GLIS3: variants seen among roughly 807,000 people sequenced by gnomAD.
GLIS3 encodes the protein GLIS family zinc finger 3.
GLIS3 carries 53 observed loss-of-function variants against 78.6 expected under a neutral mutation model. The ratio of observed to expected loss-of-function variants is 0.67; its 90% CI spans 0.54 to 0.85. The LOEUF is 0.85. Among genes scored for constraint, GLIS3 ranks in the 40% least tolerant of loss-of-function variants. The pLI is 0.00. For missense variants in GLIS3, 1,703 were observed against 1,231.1 expected, an observed-to-expected ratio of 1.38 and a Z score of -5.74; for synonymous variants, 684 against 509.9, an observed-to-expected ratio of 1.34 and a Z score of -4.60.
intron 3 of GLIS3, 101 bp downstream of exon 3, chr9:4,125,633 A>AGTGTGTGTGT (rs71497518): frequency 2.1e-4 from 159 of 772,112 alleles, no homozygotes; most frequent in East Asian, 1.7e-3. Flanking sequence ...TAAGTGTATG[A>AGTGTGTGTGT]GTGTGTGTGT....
rs115205808 is a variant in GLIS3, at chr9:4,238,114, C to T, written c.388+47924G>A. ...AAAGTCAGGAGTAAGCCTTTAGGAC[C>T]ACTCCGTAAAAAAGCAACTGGGACT... On this transcript the variant is annotated intron_variant, in intron 2 of 10. Coordinates refer to ENST00000381971, the MANE Select transcript of GLIS3 (RefSeq NM_001042413.2). 2.1e-3 allele frequency among the ~76,000 whole-genome samples: 326 copies of T among 152,228 alleles called. 1 individual carries two copies. Among genetic ancestry groups the T allele is most frequent in the African/African-American group, 7.4e-3 (307 of 41,514 alleles).
rs528992488 is a variant in GLIS3, at chr9:4,341,402, C to T, written n.264+5679G>A. Among the ~76,000 whole-genome samples the T allele has an allele frequency of 5.1e-4, 78 of 152,366 alleles. 1 individual carries two copies. The highest frequency in any genetic ancestry group is 1.8e-3 in the African/African-American group (76 of 41,584). On this transcript the variant is annotated intron_variant and non_coding_transcript_variant, in intron 2 of 4. Transcript: ENST00000471664. Reference sequence around the variant, plus strand: ...TCCTTCTTCTCCAGGCTGATGTGCACACAGCTCATTGTGTGCTGGAGAAAA... The same window carrying T: ...TCCTTCTTCTCCAGGCTGATGTGCATACAGCTCATTGTGTGCTGGAGAAAA...
At chr9:4,398,677 C>CTTTTT in the GLIS3 span, among the ~76,000 whole-genome samples, 5 of 150,786 alleles carry the variant, frequency 3.3e-5, no homozygotes, top group Non-Finnish European at 7.4e-5. Flanking sequence ...GTTGCTTAAG[C>CTTTTT]TCTTTTGTTG....
the GLIS3 span, among the ~76,000 whole-genome samples, chr9:4,465,534 G>C: frequency 6.6e-6 from 1 of 152,246 alleles, no homozygotes; most frequent in East Asian, 1.9e-4. Flanking sequence ...GGGCGACAGA[G>C]TGAGACTCCG....
intron 4 of GLIS3, among the ~76,000 whole-genome samples, chr9:4,095,916 G>C (rs535289472): frequency 5.4e-5 from 8 of 149,348 alleles, no homozygotes; most frequent in Non-Finnish European, 1.0e-4. Flanking sequence ...AAGCCAACAA[G>C]TTACAGAGCA....
At chr9:4,248,327 C>G (rs1008901455) in intron 2 of GLIS3, among the ~76,000 whole-genome samples, 8 of 152,012 alleles carry the variant, frequency 5.3e-5, no homozygotes, top group African/African-American at 1.9e-4. Context: ...TTAGGAGTGA[C>G]AACATGTGGT....
the GLIS3 span, among the ~76,000 whole-genome samples, chr9:4,368,172 C>A: frequency 6.6e-6 from 1 of 152,070 alleles, no homozygotes; most frequent in Non-Finnish European, 1.5e-5. Flanking sequence ...TGTTTTTATC[C>A]TTACGTTTTA....
intron 8 of GLIS3, among the ~76,000 whole-genome samples, chr9:3,857,324 A>C (rs1819861005): frequency 6.6e-6 from 1 of 152,232 alleles, no homozygotes; most frequent in African/African-American, 2.4e-5. Flanking sequence ...ATTTCACAGG[A>C]ACAAATTGCT....
chr9:3,828,512 A>G (rs1368232308), intron 10 of GLIS3, 104 bp from the exon 11 acceptor site: 8 of 1,465,472 alleles, frequency 5.5e-6, no homozygotes, highest in Non-Finnish European at 7.5e-6. Flanking sequence ...ACTGGGGGCT[A>G]AGGAGGCAAC....
At chr9:4,119,924 C>T (rs1045673207) in intron 3 of GLIS3, among the ~76,000 whole-genome samples, 8 of 152,156 alleles carry the variant, frequency 5.3e-5, no homozygotes, top group Non-Finnish European at 1.0e-4. Flanking sequence ...AGAAAAGATA[C>T]GTCCCTTGGA....
rs376358154 is a variant in GLIS3, at chr9:3,996,550, T to C, written c.1711-59361A>G. The stretch of plus-strand genomic sequence containing the variant: ...AATGTCAAAACTTGTAGGATGCAGC[T>C]AAAGCAGTTTTTCAAAGGAAATTCA... On this transcript the variant is annotated intron_variant, in intron 4 of 10. Transcript: ENST00000381971. Among the ~76,000 whole-genome samples the C allele has an allele frequency of 9.8e-5, 15 of 152,318 alleles. No individual in the cohort carries two copies. In the East Asian group the frequency reaches 2.1e-3, roughly 22 times the overall value.
At chr9:3,963,779 A>T (rs1312496142) in intron 4 of GLIS3, among the ~76,000 whole-genome samples, 2 of 152,130 alleles carry the variant, frequency 1.3e-5, no homozygotes, top group African/African-American at 4.8e-5. Flanking sequence ...GTCAGGCCTC[A>T]CCGAGACACC....
chr9:4,256,835 T>A (rs1030022367), intron 2 of GLIS3, among the ~76,000 whole-genome samples: 2 of 152,134 alleles, frequency 1.3e-5, no homozygotes, highest in African/African-American at 2.4e-5. Context: ...TCCAGCAATA[T>A]CTCATCTGAA....
At chr9:3,938,949 G>A (rs1826047473) in intron 4 of GLIS3, among the ~76,000 whole-genome samples, 1 of 152,164 alleles carries the variant, frequency 6.6e-6, no homozygotes, top group Non-Finnish European at 1.5e-5. Flanking sequence ...TGTTTTTAGG[G>A]TTCTCTTTGA....
chr9:4,275,130 G>C (rs1488182219), intron 2 of GLIS3, among the ~76,000 whole-genome samples: 1 of 152,126 alleles, frequency 6.6e-6, no homozygotes, highest in African/African-American at 2.4e-5. Flanking sequence ...ATAGATAGAG[G>C]CATGGAAAGG....
intron 4 of GLIS3, among the ~76,000 whole-genome samples, chr9:4,047,192 C>A (rs1411965113): frequency 6.6e-6 from 1 of 152,060 alleles, no homozygotes; most frequent in East Asian, 1.9e-4. Flanking sequence ...ACAAGGGGCT[C>A]TTCCCCCTTC....
chr9:4,004,677 G>A (rs983864701), intron 4 of GLIS3, among the ~76,000 whole-genome samples: 1 of 152,150 alleles, frequency 6.6e-6, no homozygotes, highest in African/African-American at 2.4e-5. Context: ...AATGGAAATG[G>A]GGGTACTGCT....
At chr9:3,832,389 G>A (rs904531860) in intron 9 of GLIS3, among the ~76,000 whole-genome samples, 6 of 152,168 alleles carry the variant, frequency 3.9e-5, no homozygotes, top group Non-Finnish European at 8.8e-5. Context: ...CAGCAGGTAT[G>A]TGGCATACCC....
intron 4 of GLIS3, among the ~76,000 whole-genome samples, chr9:4,067,555 CA>C (rs5896042): frequency 0.1 from 15,424 of 151,752 alleles, 2,462 homozygotes; most frequent in African/African-American, 0.34. Context: ...AATTCTACTG[CA>C]AAAAAAGGAG....
Sources: allele counts gnomAD v4.1 joint callset (sites outside exome capture counted in the v4.1 genomes callset), GRCh38; gene constraint gnomAD v4.1.1; transcripts MANE v1.5; gene names NCBI Gene and HGNC (gene_info 2026-07-23, HGNC 2026-07-21).